The following NLGN4X variants were observed in gnomAD, a reference collection of about 807,000 sequenced individuals.
The protein encoded by NLGN4X is neuroligin-4, X-linked.
NLGN4X carries 3 observed loss-of-function variants against 40.3 expected under a neutral mutation model. The observed-to-expected ratio is 0.07, with a 90% CI of 0.03 to 0.19. The LOEUF is 0.19. Among genes scored for constraint, NLGN4X ranks in the 10% least tolerant of loss-of-function variants. The pLI is 1.00. For missense variants in NLGN4X, 382 were observed against 708.3 expected (o/e 0.54, Z 5.23); for synonymous variants, 270 against 306.8 (o/e 0.88, Z 1.25).
chrX:5,917,223 T>C (rs2032844062), intron 3 of NLGN4X, among the ~76,000 whole-genome samples: 1 of 112,630 alleles, frequency 8.9e-6, no homozygotes, highest in Non-Finnish European at 1.9e-5. Context: ...GGCTAGCTCA[T>C]GGACCCAGCA....
chrX:5,899,274 C>T (rs1264890359), intron 5 of NLGN4X, among the ~76,000 whole-genome samples: 8 of 111,931 alleles, frequency 7.1e-5, no homozygotes, highest in East Asian at 2.8e-4. Context: ...AGGCTTCAGA[C>T]GGACTGACAT....
chrX:5,912,007 T>TTG (rs1329230321), intron 3 of NLGN4X, among the ~76,000 whole-genome samples: 2 of 112,245 alleles, frequency 1.8e-5, no homozygotes, highest in African/African-American at 6.5e-5. Context: ...AGTTGAATGA[T>TTG]TACCAGCCAT....
chrX:6,041,503 T>C (rs1239798902), intron 2 of NLGN4X, among the ~76,000 whole-genome samples: 1 of 112,138 alleles, frequency 8.9e-6, no homozygotes, highest in East Asian at 2.8e-4. Context: ...AGATTCATTT[T>C]TACTGATCAG....
chrX:5,891,214 G>A lies in NLGN4X; in HGVS notation c.*1603C>T. 1 of 230,751 alleles carries A rather than the reference G, an allele frequency of 4.3e-6. No homozygotes were observed. Among genetic ancestry groups the A allele is most frequent in the Non-Finnish European group, 7.9e-6 (1 of 126,176 alleles). The allele number at this position is 230,751 out of a possible 1,213,427, so 19.0% of individuals were successfully genotyped here. A position where few individuals can be genotyped will look rare whatever the true frequency, so the allele number is the denominator to read the frequency against. On this transcript the variant is annotated 3_prime_UTR_variant, in exon 6 of 6. Coordinates refer to ENST00000381095, the MANE Select transcript of NLGN4X (RefSeq NM_181332.3). Reference sequence around the variant, plus strand: ...ATCCCTAGGTCACCAATTTAAAATGGGTGAATAATTTCCATTCAATGTCTT... The same window carrying A: ...ATCCCTAGGTCACCAATTTAAAATGAGTGAATAATTTCCATTCAATGTCTT...
chrX:6,082,982 C>T (rs1219137208), intron 2 of NLGN4X, among the ~76,000 whole-genome samples: 1 of 63,319 alleles, frequency 1.6e-5, no homozygotes, highest in African/African-American at 6.2e-5. Context: ...TTTTTTGAGA[C>T]GGAGTCTCGC....
intron 2 of NLGN4X, among the ~76,000 whole-genome samples, chrX:6,034,429 TAATA>T (rs775119252): frequency 1.1e-4 from 12 of 112,585 alleles, no homozygotes; most frequent in East Asian, 8.4e-4. Context: ...TGATTATTAT[TAATA>T]AAGCTGCTAT....
At chrX:6,112,040 G>A (rs1038622109) in intron 2 of NLGN4X, among the ~76,000 whole-genome samples, 1 of 111,753 alleles carries the variant, frequency 8.9e-6, no homozygotes, top group Non-Finnish European at 1.9e-5. Context: ...ATACTTATAT[G>A]CTAAAATGTC....
intron 3 of NLGN4X, 134 bp from the exon 4 acceptor site, chrX:5,909,373 G>C: frequency 5.5e-6 from 4 of 730,765 alleles, no homozygotes; most frequent in Non-Finnish European, 8.1e-6. Context: ...ACCAATTAGA[G>C]GAAGAACAGG....
chrX:6,088,256 G>A (rs2038547391), intron 2 of NLGN4X, among the ~76,000 whole-genome samples: 1 of 112,510 alleles, frequency 8.9e-6, no homozygotes, highest in Non-Finnish European at 1.9e-5. Context: ...AATGCCAAGA[G>A]AAAATGCGAA....
chrX:5,924,134 A>T (rs1402694171), intron 3 of NLGN4X, among the ~76,000 whole-genome samples: 1 of 111,461 alleles, frequency 9.0e-6, no homozygotes, highest in Non-Finnish European at 1.9e-5. Context: ...TGACTTGTAC[A>T]TTTACTAAAA....
At chrX:5,965,586 G>T (rs924391674) in intron 3 of NLGN4X, among the ~76,000 whole-genome samples, 3 of 111,827 alleles carry the variant, frequency 2.7e-5, no homozygotes, top group African/African-American at 9.7e-5. Flanking sequence ...AATGATGGTG[G>T]AATGCAGTGT....
intron 3 of NLGN4X, among the ~76,000 whole-genome samples, chrX:5,928,652 T>C (rs959399232): frequency 1.3e-4 from 15 of 111,675 alleles, no homozygotes; most frequent in African/African-American, 4.9e-4. Context: ...ACCAAGAATG[T>C]GTACCCTACT....
intron 3 of NLGN4X, among the ~76,000 whole-genome samples, chrX:5,993,588 T>C (rs1015940473): frequency 1.8e-5 from 2 of 112,002 alleles, no homozygotes; most frequent in Non-Finnish European, 3.8e-5. Context: ...GAAGTGTGTC[T>C]ACCAAAGCAA....
At chrX:6,072,878 A>G (rs2038103019) in intron 2 of NLGN4X, among the ~76,000 whole-genome samples, 2 of 112,378 alleles carry the variant, frequency 1.8e-5, no homozygotes, top group African/African-American at 3.2e-5. Context: ...CCAGACCAGC[A>G]GCCCGAATTA....
chrX:5,940,854 C>T (rs1360411942), intron 3 of NLGN4X, among the ~76,000 whole-genome samples: 1 of 110,846 alleles, frequency 9.0e-6, no homozygotes, highest in Non-Finnish European at 1.9e-5. Context: ...TGGTGGCTCA[C>T]GCCAGAAATC....
intron 2 of NLGN4X, among the ~76,000 whole-genome samples, chrX:6,041,758 G>A (rs2037164100): frequency 8.9e-6 from 1 of 112,416 alleles, no homozygotes; most frequent in Non-Finnish European, 1.9e-5. Flanking sequence ...AAAATATTCA[G>A]CACATATAAT....
intron 3 of NLGN4X, among the ~76,000 whole-genome samples, chrX:5,937,700 TG>T: frequency 9.0e-6 from 1 of 111,706 alleles, no homozygotes; most frequent in Admixed American, 9.5e-5. Flanking sequence ...CCTGGTGCAC[TG>T]CTGGTACAAG....
At chrX:6,059,028 A>C (rs2037704636) in intron 2 of NLGN4X, among the ~76,000 whole-genome samples, 1 of 111,484 alleles carries the variant, frequency 9.0e-6, no homozygotes, top group African/African-American at 3.3e-5. Context: ...ACTATTGATC[A>C]AAGTGAATTA....
At chrX:6,086,033 A>C (rs1285258106) in intron 2 of NLGN4X, among the ~76,000 whole-genome samples, 1 of 111,866 alleles carries the variant, frequency 8.9e-6, no homozygotes, top group Non-Finnish European at 1.9e-5. Flanking sequence ...AATCCATGTG[A>C]ACACTAAAAA....
Sources: gnomAD v4.1 joint callset for allele counts (sites outside exome capture counted in the v4.1 genomes callset) on GRCh38, gnomAD v4.1.1 for gene constraint, MANE v1.5 for transcripts, NCBI Gene and HGNC (gene_info 2026-07-23, HGNC 2026-07-21) for gene names.